Variants in AXL observed in about 807,000 individuals in gnomAD.
AXL encodes AXL receptor tyrosine kinase, also known as tyrosine-protein kinase receptor UFO.
AXL carries 52 observed loss-of-function variants against 104.5 expected under a neutral mutation model. That is an observed-to-expected ratio of 0.50 (90% confidence interval 0.40 to 0.63). AXL has a LOEUF of 0.63. Ranked by LOEUF, AXL falls within the 20% of genes least tolerant of loss-of-function variation. AXL has a pLI of 0.00. For synonymous variants in AXL, 455 were observed against 473.7 expected, an observed-to-expected ratio of 0.96 and a Z score of 0.51; for missense variants, 1,024 against 1,188.5, an observed-to-expected ratio of 0.86 and a Z score of 2.04.
Position 41,238,570 on chromosome 19 carries a change from A to G in AXL, c.1095A>G (p.Leu365=). 6.2e-7 allele frequency: 1 copy of G among 1,613,470 alleles called. No homozygotes were observed. The highest frequency in any genetic ancestry group is 8.5e-7 in the Non-Finnish European group (1 of 1,179,658). The change falls in exon 8 of 20, where the codon TTA becomes TTG. Residue 365 remains leucine, a synonymous_variant. Coordinates refer to ENST00000301178, the MANE Select transcript of AXL (RefSeq NM_021913.5). ...GGGCGCCCCTGCAGGGTACCCTGTT[A>G]GGGTACCGGCTGGCGTATCAAGGCC... ...EPRAPLQGTL[L]GYRLAYQGQD...
intron 17 of AXL, among the ~76,000 whole-genome samples, chr19:41,256,052 G>T (rs1343448570): frequency 6.6e-6 from 1 of 151,724 alleles, no homozygotes; most frequent in Non-Finnish European, 1.5e-5. Flanking sequence ...GCCATGTTCT[G>T]TTTCTTAATC....
chr19:41,248,712 G>T, intron 13 of AXL, 31 bp from the exon 14 acceptor site: 1 of 1,613,760 alleles, frequency 6.2e-7, no homozygotes, highest in Non-Finnish European at 8.5e-7. Context: ...CGGGCCCTCT[G>T]AGGTCAGTGT....
intron 16 of AXL, 99 bp downstream of exon 16, chr19:41,253,066 C>A: frequency 1.5e-6 from 2 of 1,334,568 alleles, no homozygotes; most frequent in Non-Finnish European, 2.1e-6. Context: ...TGACCAGGAG[C>A]TTGCTCTCCT....
intron 15 of AXL, 60 bp downstream of exon 15, chr19:41,252,503 G>A (rs1331443570): frequency 6.4e-6 from 10 of 1,557,204 alleles, no homozygotes; most frequent in Non-Finnish European, 8.9e-6. Flanking sequence ...GCAGAGGGAA[G>A]AGCCCTGCTT....
At position 41,257,575 on chromosome 19, in the gene AXL, A is replaced by G; in HGVS notation, c.2279A>G (p.Asp760Gly). 2 of 1,614,132 alleles carry G rather than the reference A, an allele frequency of 1.2e-6. No individual in the cohort carries two copies. Among genetic ancestry groups the G allele is most frequent in the South Asian group, 2.2e-5 (2 of 91,086 alleles). The change falls in exon 19 of 20, where the codon GAC (aspartate) becomes GGC (glycine). Residue 760 changes from aspartate (D) to glycine (G), a missense_variant. Transcript: ENST00000301178. The stretch of plus-strand genomic sequence containing the variant: ...GGCGTGGAGAACAGCGAGATTTATG[A>G]CTATCTGCGCCAGGGAAATCGCCTG... ...YPGVENSEIY[D>G]YLRQGNRLKQ...
At chr19:41,230,325 G>A (rs896246338) in intron 4 of AXL, among the ~76,000 whole-genome samples, 3 of 151,660 alleles carry the variant, frequency 2.0e-5, no homozygotes, top group African/African-American at 4.9e-5. Context: ...GTAAGAATGT[G>A]TGTGTGTGTG....
chr19:41,250,336 T>A (rs1290965638), intron 14 of AXL, among the ~76,000 whole-genome samples: 1 of 152,202 alleles, frequency 6.6e-6, no homozygotes, highest in Non-Finnish European at 1.5e-5. Context: ...TAGAGAATGA[T>A]CCTTTCTGAA....
At chr19:41,255,665 TCC>T (rs1056056584) in intron 17 of AXL, among the ~76,000 whole-genome samples, 9 of 152,100 alleles carry the variant, frequency 5.9e-5, no homozygotes, top group African/African-American at 1.9e-4. Context: ...GGTCTTGAAC[TCC>T]TAGCCTCAAG....
At position 41,219,369 on chromosome 19, in the gene AXL, A is replaced by G. The variant is rs1205803934; in HGVS notation, c.-24A>G. The G allele has an allele frequency of 1.3e-6, 2 of 1,571,366 alleles. No individual in the cohort carries two copies. The highest frequency in any genetic ancestry group is 1.7e-6 in the Non-Finnish European group (2 of 1,158,564). On this transcript the variant is annotated 5_prime_UTR_variant, in exon 1 of 20. Transcript: ENST00000301178. ...CCCCTCCCCCGCTGGGAGCCCAACA[A>G]CTTCTGAGGAAAGTTTGGCACCCAT...
At position 41,221,158 on chromosome 19, in the gene AXL, G is replaced by A. The variant is rs1025922950; in HGVS notation, c.321G>A (p.Leu107=). 51 of 1,613,950 alleles carry A rather than the reference G, an allele frequency of 3.2e-5. No homozygotes were observed. Among genetic ancestry groups the A allele is most frequent in the Non-Finnish European group, 4.1e-5 (48 of 1,179,928 alleles). Residue 107 remains leucine, a synonymous_variant, in exon 3 of 20, where the codon CTG becomes CTA. Transcript: ENST00000301178. ...CTTGCCCTGTCAGAATCACCTCCCTGCAGCTTTCCGACACGGGACAGTACC... is the reference window on the plus strand; with the variant it reads ...CTTGCCCTGTCAGAATCACCTCCCTACAGCTTTCCGACACGGGACAGTACC... The part of the protein sequence containing the change: ...IVVSQLRITS[L]QLSDTGQYQC...
At chr19:41,235,684 G>A (rs543200122) in intron 6 of AXL, among the ~76,000 whole-genome samples, 1 of 152,260 alleles carries the variant, frequency 6.6e-6, no homozygotes, top group Non-Finnish European at 1.5e-5. Flanking sequence ...GGACAGGATG[G>A]GGTTTAGGTC....
At chr19:41,253,768 C>T in intron 17 of AXL, 60 bp downstream of exon 17, 2 of 1,304,430 alleles carry the variant, frequency 1.5e-6, no homozygotes, top group South Asian at 2.5e-5. Flanking sequence ...GAGGGAGTTC[C>T]CTCCCTCCTT....
intron 10 of AXL, 83 bp from the exon 11 acceptor site, chr19:41,242,800 C>A: frequency 1.3e-6 from 2 of 1,568,934 alleles, no homozygotes; most frequent in South Asian, 1.1e-5. Flanking sequence ...GGCCTTCTGC[C>A]TCCCTCCCAC....
At chr19:41,222,308 C>G (rs1568407825) in intron 4 of AXL, among the ~76,000 whole-genome samples, 2 of 152,112 alleles carry the variant, frequency 1.3e-5, no homozygotes, top group East Asian at 1.9e-4. Context: ...TTGTATGTGT[C>G]TCTCTCTCTG....
Position 41,253,582 on chromosome 19 carries a change from C to G in AXL, c.1927-17C>G, listed in dbSNP as rs1419371023. On this transcript the variant is annotated splice_polypyrimidine_tract_variant and intron_variant, in intron 16 of 19. Coordinates refer to ENST00000301178, the MANE Select transcript of AXL (RefSeq NM_021913.5). ...GGACTCTGTTGACCTCTCCTCCCAC[C>G]TGCCTTGGCTCCCCAGTACCTGCCC... is the stretch of plus-strand genomic sequence containing the variant. 1.9e-6 allele frequency: 3 copies of G among 1,595,754 alleles called. No individual in the cohort carries two copies. The highest frequency in any genetic ancestry group is 1.7e-5 in the Admixed American group (1 of 59,418).
chr19:41,233,440 T>G (rs1380390031), intron 6 of AXL, among the ~76,000 whole-genome samples: 1 of 151,436 alleles, frequency 6.6e-6, no homozygotes, highest in East Asian at 2.0e-4. Context: ...ATCCCAGCAC[T>G]TCGGGGGGCT....
chr19:41,241,718 C>T (rs180978651), intron 10 of AXL, among the ~76,000 whole-genome samples: 57 of 151,926 alleles, frequency 3.8e-4, no homozygotes, highest in African/African-American at 1.3e-3. Flanking sequence ...TGGTGCACAC[C>T]TGTAATCCCA....
chr19:41,223,937 C>T (rs923841345), intron 4 of AXL, among the ~76,000 whole-genome samples: 9 of 151,172 alleles, frequency 6.0e-5, no homozygotes, highest in African/African-American at 1.2e-4. Flanking sequence ...TGTGCCTTGG[C>T]GAGGGTGGAC....
chr19:41,231,398 TG>T, intron 6 of AXL, 100 bp downstream of exon 6: 1 of 1,110,636 alleles, frequency 9.0e-7, no homozygotes, highest in Non-Finnish European at 1.3e-6. Flanking sequence ...TCTCGGCCAC[TG>T]TTGAGAAGCA....
Sources: allele counts gnomAD v4.1 joint callset (sites outside exome capture counted in the v4.1 genomes callset), GRCh38; gene constraint gnomAD v4.1.1; transcripts MANE v1.5; gene names NCBI Gene and HGNC (gene_info 2026-07-23, HGNC 2026-07-21).